The following STAM variants were observed in gnomAD, a reference collection of about 807,000 sequenced individuals.
The protein encoded by STAM is signal transducing adapter molecule 1.
Under a neutral mutation model 63.4 loss-of-function variants are expected in STAM, and 16 were observed. The ratio of observed to expected loss-of-function variants is 0.25; its 90% CI spans 0.17 to 0.38. The LOEUF is 0.38. Among genes scored for constraint, STAM ranks in the 10% least tolerant of loss-of-function variants. The pLI, the probability that STAM is intolerant of heterozygous loss-of-function variation, is 1.00. For synonymous variants in STAM, 238 were observed against 223.9 expected, an observed-to-expected ratio of 1.06 and a Z score of -0.56; for missense variants, 636 against 657.1, an observed-to-expected ratio of 0.97 and a Z score of 0.35.
intron 2 of STAM, among the ~76,000 whole-genome samples, chr10:17,683,019 A>C (rs1554825583): frequency 6.6e-6 from 1 of 152,142 alleles, no homozygotes. Flanking sequence ...TGTTATGAAA[A>C]CTGCTAACGG....
intron 1 of STAM, among the ~76,000 whole-genome samples, chr10:17,658,134 A>G (rs780596889): frequency 6.6e-6 from 1 of 152,116 alleles, no homozygotes; most frequent in Non-Finnish European, 1.5e-5. Flanking sequence ...CTTTTGTTGC[A>G]TCCCACAAAT....
intron 2 of STAM, among the ~76,000 whole-genome samples, chr10:17,682,694 G>A (rs1192630794): frequency 6.6e-6 from 1 of 152,066 alleles, no homozygotes; most frequent in African/African-American, 2.4e-5. Context: ...AATTTTCCAT[G>A]CACATGAAAA....
intron 7 of STAM, among the ~76,000 whole-genome samples, chr10:17,695,445 T>C (rs1310293475): frequency 6.6e-6 from 1 of 152,228 alleles, no homozygotes; most frequent in Admixed American, 6.5e-5. Flanking sequence ...TATTACTTAG[T>C]TTATAATTTG....
chr10:17,644,961 T>C (rs950349842), intron 1 of STAM, among the ~76,000 whole-genome samples: 8 of 152,224 alleles, frequency 5.3e-5, no homozygotes, highest in African/African-American at 1.4e-4. Flanking sequence ...GCCTTTGGGA[T>C]GTCTCTCTTA....
intron 12 of STAM, among the ~76,000 whole-genome samples, chr10:17,708,036 G>A (rs558019505): frequency 2.0e-5 from 3 of 151,988 alleles, no homozygotes; most frequent in South Asian, 2.1e-4. Context: ...GACTGCAGGC[G>A]CCCGCCACCA....
chr10:17,682,925 T>G (rs74118005), intron 2 of STAM, among the ~76,000 whole-genome samples: 19,420 of 152,264 alleles, frequency 0.13, 1,321 homozygotes, highest in Middle Eastern at 0.26. Context: ...TTTGTGTTCA[T>G]GCACATTTAG....
chr10:17,657,119 C>T (rs1211414667), intron 1 of STAM, among the ~76,000 whole-genome samples: 2 of 152,148 alleles, frequency 1.3e-5, no homozygotes, highest in African/African-American at 4.8e-5. Flanking sequence ...CTTAATGCCC[C>T]TGCCTGGGCT....
At chr10:17,689,893 G>C (rs1218042289) in intron 5 of STAM, among the ~76,000 whole-genome samples, 1 of 152,210 alleles carries the variant, frequency 6.6e-6, no homozygotes, top group Non-Finnish European at 1.5e-5. Flanking sequence ...TGCACGTTGA[G>C]GTCTGAGAAG....
At position 17,706,786 on chromosome 10, in the gene STAM, T is replaced by C. The variant is rs571852815; in HGVS notation, c.1209+1045T>C. On this transcript the variant is annotated intron_variant, in intron 12 of 13. Coordinates refer to ENST00000377524, the MANE Select transcript of STAM (RefSeq NM_003473.4). ...TATAGCCTTTTGCAGGTCAGACATA[T>C]CTCAATAAAGTAGTTTCGTAAAAAA... Among the ~76,000 whole-genome samples, 457 of 152,140 alleles carry C rather than the reference T, an allele frequency of 3.0e-3. 4 individuals are homozygous for C. The highest frequency in any genetic ancestry group is 9.5e-3 in the African/African-American group (395 of 41,508).
rs1338127451 is a variant in STAM, at chr10:17,696,884, G to T, written c.823+15G>T. 1 of 1,586,046 alleles carries T rather than the reference G, an allele frequency of 6.3e-7. No homozygotes were observed. Among genetic ancestry groups the T allele is most frequent in the African/African-American group, 1.3e-5 (1 of 74,288 alleles). On this transcript the variant is annotated intron_variant, in intron 8 of 13. Coordinates refer to ENST00000377524, the MANE Select transcript of STAM (RefSeq NM_003473.4). Reference sequence around the variant, plus strand: ...ACCAGAAATGAGTAAGTATTTTCCAGCCTGCCAATAAATGATGTTTTCTAA... The same window carrying T: ...ACCAGAAATGAGTAAGTATTTTCCATCCTGCCAATAAATGATGTTTTCTAA...
intron 12 of STAM, among the ~76,000 whole-genome samples, chr10:17,707,211 C>T (rs1359234628): frequency 6.6e-6 from 1 of 152,020 alleles, no homozygotes; most frequent in Non-Finnish European, 1.5e-5. Flanking sequence ...AGATGGAGAC[C>T]ATCCTGGCTA....
intron 4 of STAM, among the ~76,000 whole-genome samples, chr10:17,686,981 G>A (rs1319426462): frequency 6.6e-6 from 1 of 152,156 alleles, no homozygotes; most frequent in Non-Finnish European, 1.5e-5. Context: ...CAAATAGTAA[G>A]ACTTCAAATT....
At chr10:17,670,442 G>A (rs1834589864) in intron 2 of STAM, among the ~76,000 whole-genome samples, 1 of 152,098 alleles carries the variant, frequency 6.6e-6, no homozygotes, top group Non-Finnish European at 1.5e-5. Flanking sequence ...CCTTCACTGT[G>A]CTGTGTGCTT....
rs782736735 is a variant in STAM at position 17,695,156 on chromosome 10, G to T, written c.643G>T (p.Val215Phe). Residue 215 changes from valine to phenylalanine, a missense_variant, in exon 7 of 14, where the codon GTT becomes TTT. Val to Phe is a conservative substitution (Grantham distance 50). Around this residue, in one of 3 missense-constraint regions of STAM, gnomAD observed 532 missense variants for 536.9 expected, o/e 0.99. Coordinates refer to ENST00000377524, the MANE Select transcript of STAM (RefSeq NM_003473.4). ...TAACCACCAACATGAAGGCCGAAAA[G>T]TTCGTGCTATATATGACTTTGAAGC... The part of the protein sequence containing the change: ...LTNHQHEGRK[V>F]RAIYDFEAAE... The T allele has an allele frequency of 1.9e-6, 3 of 1,614,074 alleles. No homozygotes were observed. The highest frequency in any genetic ancestry group is 2.2e-5 in the South Asian group (2 of 91,080).
intron 1 of STAM, among the ~76,000 whole-genome samples, chr10:17,656,307 A>AT: frequency 6.6e-6 from 1 of 152,080 alleles, no homozygotes; most frequent in African/African-American, 2.4e-5. Context: ...AAAAAAAAAA[A>AT]AAAAAAAGAT....
chr10:17,700,776 A>G (rs970065305), intron 9 of STAM, among the ~76,000 whole-genome samples: 2 of 151,112 alleles, frequency 1.3e-5, no homozygotes, highest in African/African-American at 2.4e-5. Context: ...CTCAACAAGG[A>G]TATTAAGATT....
At chr10:17,677,495 G>A (rs146439775) in intron 2 of STAM, among the ~76,000 whole-genome samples, 67 of 152,052 alleles carry the variant, frequency 4.4e-4, no homozygotes, top group African/African-American at 1.4e-3. Context: ...GTGTTTTTAT[G>A]TCGGCATGGT....
intron 1 of STAM, among the ~76,000 whole-genome samples, chr10:17,646,133 A>T (rs1833511685): frequency 6.6e-6 from 1 of 152,154 alleles, no homozygotes; most frequent in South Asian, 2.1e-4. Context: ...GTTAAGGCCA[A>T]CTCAGAATCC....
intron 2 of STAM, among the ~76,000 whole-genome samples, chr10:17,665,099 GCTA>G (rs1258807166): frequency 1.3e-5 from 2 of 151,826 alleles, no homozygotes; most frequent in East Asian, 3.9e-4. Flanking sequence ...GGAGAAAAGA[GCTA>G]TTATTGTGAA....
Sources: gnomAD v4.1 joint callset for allele counts (sites outside exome capture counted in the v4.1 genomes callset) on GRCh38, gnomAD v4.1.1 for gene constraint, gnomAD v4.1.1 regional missense constraint, MANE v1.5 for transcripts, NCBI Gene and HGNC (gene_info 2026-07-23, HGNC 2026-07-21) for gene names.